Variants in IDE observed in about 807,000 individuals in gnomAD.
The protein encoded by IDE is insulin degrading enzyme.
A neutral mutation model predicts 133.2 loss-of-function variants in IDE; 58 were observed. The observed-to-expected ratio is 0.44, with a 90% CI of 0.35 to 0.54. IDE has a LOEUF of 0.54. Ranked by LOEUF, IDE falls within the 20% of genes least tolerant of loss-of-function variation. IDE has a pLI of 0.00. For missense variants in IDE, 981 were observed against 1,234.0 expected (o/e 0.79, Z 3.07); for synonymous variants, 396 against 421.3 (o/e 0.94, Z 0.73).
At chr10:92,563,806 A>T (rs939165622) in intron 1 of IDE, among the ~76,000 whole-genome samples, 3 of 152,138 alleles carry the variant, frequency 2.0e-5, no homozygotes, top group Non-Finnish European at 4.4e-5. Flanking sequence ...AAGTTCAATT[A>T]AAAAAATCTT....
Position 92,453,289 on chromosome 10 carries a change from A to G in IDE, c.*1155T>C, listed in dbSNP as rs1844834285. 6.6e-6 allele frequency: 1 copy of G among 152,194 alleles called. No individual in the cohort carries two copies. Among genetic ancestry groups the G allele is most frequent in the Non-Finnish European group, 1.5e-5 (1 of 68,030 alleles). 9.4% of individuals were successfully genotyped at this position (152,194 alleles called of 1,614,324 possible). A position where few individuals can be genotyped will look rare whatever the true frequency, so the allele number is the denominator to read the frequency against. The stretch of plus-strand genomic sequence containing the variant: ...CACCTAAAATAGTATCTCATGAAAA[A>G]AATATTTTTTTAAAAGTCTACTCCA... On this transcript the variant is annotated 3_prime_UTR_variant, in exon 25 of 25. Coordinates refer to ENST00000265986, the MANE Select transcript of IDE (RefSeq NM_004969.4).
At position 92,453,001 on chromosome 10, in the gene IDE, G is replaced by A. The variant is rs1844822962; in HGVS notation, c.*1443C>T. On this transcript the variant is annotated 3_prime_UTR_variant, in exon 25 of 25. Coordinates refer to ENST00000265986, the MANE Select transcript of IDE (RefSeq NM_004969.4). The stretch of plus-strand genomic sequence containing the variant: ...GACTATATCGTTCTTGCCCAAAATT[G>A]AGATTTGGAAAATGGCAAATGTAAA... 1 of 152,148 alleles carries A rather than the reference G, an allele frequency of 6.6e-6. No homozygotes were observed. The highest frequency in any genetic ancestry group is 1.5e-5 in the Non-Finnish European group (1 of 68,036). The allele number at this position is 152,148 out of a possible 1,614,324, so 9.4% of individuals were successfully genotyped here.
intron 17 of IDE, among the ~76,000 whole-genome samples, chr10:92,474,110 C>G (rs550429684): frequency 6.6e-6 from 1 of 152,270 alleles, no homozygotes; most frequent in Non-Finnish European, 1.5e-5. Flanking sequence ...GTCATCCAAG[C>G]TGGAGCACAG....
chr10:92,490,442 T>G, intron 12 of IDE, 51 bp downstream of exon 12: 3 of 1,138,860 alleles, frequency 2.6e-6, no homozygotes, highest in Non-Finnish European at 4.0e-6. Flanking sequence ...GGGAGCAATG[T>G]TCTTGTGATT....
intron 1 of IDE, among the ~76,000 whole-genome samples, chr10:92,542,282 G>C (rs749050149): frequency 6.6e-5 from 10 of 152,158 alleles, no homozygotes; most frequent in Non-Finnish European, 1.3e-4. Context: ...AGCCTCCCCA[G>C]TAGCTGGGAC....
intron 11 of IDE, among the ~76,000 whole-genome samples, chr10:92,492,124 G>A (rs1180932563): frequency 6.6e-6 from 1 of 151,962 alleles, no homozygotes; most frequent in Admixed American, 6.6e-5. Flanking sequence ...GCCGGGTGTG[G>A]TGGCGGGTGC....
chr10:92,478,617 C>G lies in IDE; in HGVS notation c.1884+660G>C, dbSNP rs889271958. 11 of 1,144,492 alleles carry G rather than the reference C, an allele frequency of 9.6e-6. No individual in the cohort carries two copies. The African/African-American group carries it at 1.8e-4, about 19-fold the overall frequency. The allele number at this position is 1,144,492 out of a possible 1,614,324, so 70.9% of individuals were successfully genotyped here. On this transcript the variant is annotated intron_variant, in intron 15 of 24. Coordinates refer to ENST00000265986, the MANE Select transcript of IDE (RefSeq NM_004969.4). ...AACATAATGCTTAAACGGGGTGGTG[C>G]CTTTTCTTTGGTTTTCATTTTACTT...
intron 17 of IDE, among the ~76,000 whole-genome samples, chr10:92,473,963 C>G (rs578205397): frequency 6.6e-6 from 1 of 151,496 alleles, no homozygotes; most frequent in African/African-American, 2.4e-5. Context: ...GCCTGGGCAA[C>G]AGAGCAGACT....
chr10:92,538,659 A>G (rs1443107383), intron 1 of IDE, among the ~76,000 whole-genome samples: 2 of 152,134 alleles, frequency 1.3e-5, no homozygotes, highest in Non-Finnish European at 2.9e-5. Flanking sequence ...ACACAGAATC[A>G]TGTAGGGATG....
chr10:92,481,597 C>T (rs765104801), intron 14 of IDE, among the ~76,000 whole-genome samples: 7 of 152,164 alleles, frequency 4.6e-5, no homozygotes, highest in African/African-American at 1.4e-4. Context: ...ATACTATATG[C>T]TTAAATATGG....
intron 4 of IDE, among the ~76,000 whole-genome samples, chr10:92,529,240 A>G (rs1849786231): frequency 1.3e-5 from 2 of 152,228 alleles, no homozygotes; most frequent in Non-Finnish European, 2.9e-5. Context: ...TTCAATATGC[A>G]TAATATCTGA....
At chr10:92,495,714 C>T (rs1270693064) in intron 11 of IDE, among the ~76,000 whole-genome samples, 1 of 151,768 alleles carries the variant, frequency 6.6e-6, no homozygotes, top group Non-Finnish European at 1.5e-5. Context: ...TAAAATTCTA[C>T]ACTATCATGA....
chr10:92,454,617 C>T, intron 24 of IDE, 78 bp from the exon 25 acceptor site: 3 of 977,418 alleles, frequency 3.1e-6, no homozygotes, highest in Admixed American at 1.8e-5. Flanking sequence ...TTGGCGGACA[C>T]TGGGAGCATA....
At chr10:92,487,549 C>G (rs1443099365) in intron 12 of IDE, among the ~76,000 whole-genome samples, 1 of 152,168 alleles carries the variant, frequency 6.6e-6, no homozygotes, top group Non-Finnish European at 1.5e-5. Flanking sequence ...CTCTTCCTCT[C>G]CACATCTCCA....
chr10:92,501,540 C>T (rs1448044069), intron 11 of IDE, among the ~76,000 whole-genome samples: 3 of 151,108 alleles, frequency 2.0e-5, no homozygotes, highest in South Asian at 2.1e-4. Flanking sequence ...CATGGTGGCG[C>T]GTGCCTGTGG....
chr10:92,490,425 G>T (rs540380815), intron 12 of IDE, 68 bp downstream of exon 12: 23 of 954,974 alleles, frequency 2.4e-5, no homozygotes, highest in Non-Finnish European at 3.7e-5. Context: ...CTTAGTTGGT[G>T]GATCTAGGGA....
chr10:92,454,586 G>A, intron 24 of IDE, 47 bp from the exon 25 acceptor site: 1 of 1,363,696 alleles, frequency 7.3e-7, no homozygotes. Flanking sequence ...CTAAACATCA[G>A]AATAAGGACA....
intron 1 of IDE, among the ~76,000 whole-genome samples, chr10:92,546,002 A>T (rs539587493): frequency 1.7e-4 from 26 of 152,350 alleles, no homozygotes; most frequent in African/African-American, 5.8e-4. Context: ...ACCAGAAATG[A>T]TCAAATGACA....
At chr10:92,529,904 T>C (rs1849822012) in intron 4 of IDE, among the ~76,000 whole-genome samples, 1 of 152,174 alleles carries the variant, frequency 6.6e-6, no homozygotes, top group Admixed American at 6.5e-5. Flanking sequence ...GCATTGTTTG[T>C]GTAAGTATCT....
Sources: allele counts gnomAD v4.1 joint callset (sites outside exome capture counted in the v4.1 genomes callset), GRCh38; gene constraint gnomAD v4.1.1; transcripts MANE v1.5; gene names NCBI Gene and HGNC (gene_info 2026-07-23, HGNC 2026-07-21).